The following SRP72 variants were observed in gnomAD, a reference collection of about 807,000 sequenced individuals.
SRP72 encodes the protein signal recognition particle 72.
A neutral mutation model predicts 96.3 loss-of-function variants in SRP72; 49 were observed. That is an observed-to-expected ratio of 0.51 (90% CI 0.40 to 0.65). SRP72 has a LOEUF of 0.65. Among genes scored for constraint, SRP72 ranks in the 30% least tolerant of loss-of-function variants. The probability of loss-of-function intolerance (pLI) is 0.00; values close to 1 mark genes in which losing one functional copy is unlikely to be tolerated. For missense variants in SRP72, 736 were observed against 793.3 expected, an observed-to-expected ratio of 0.93 and a Z score of 0.87; for synonymous variants, 267 against 275.2, an observed-to-expected ratio of 0.97 and a Z score of 0.30.
At position 56,478,632 on chromosome 4, in the gene SRP72, A is replaced by G. The variant is rs780642139; in HGVS notation, c.808A>G (p.Ile270Val). The G allele has an allele frequency of 1.9e-6, 3 of 1,613,978 alleles. No individual in the cohort carries two copies. Among genetic ancestry groups the G allele is most frequent in the Non-Finnish European group, 2.5e-6 (3 of 1,179,944 alleles). The change falls in exon 8 of 19, where the codon ATC (isoleucine) becomes GTC (valine). Residue 270 changes from isoleucine to valine, a missense_variant. This residue lies in a region of SRP72 where 19 missense variants were observed against 42.5 expected (regional missense o/e 0.45). Coordinates refer to ENST00000642900, the MANE Select transcript of SRP72 (RefSeq NM_006947.4). ...VGLLAVIANNIITINKDQNVF... is the reference protein window; with the variant it reads ...VGLLAVIANNVITINKDQNVF... ...ATTACTAGCTGTAATTGCAAATAAC[A>G]TCATTACCATTAACAAGGTATGGAG...
chr4:56,497,525 TCAGTTTTTAA>T (rs761411563), intron 17 of SRP72, among the ~76,000 whole-genome samples: 1 of 152,128 alleles, frequency 6.6e-6, no homozygotes, highest in Non-Finnish European at 1.5e-5. Flanking sequence ...GGCCTGCACT[TCAGTTTTTAA>T]CCAATTGAAT....
chr4:56,490,631 A>G lies in SRP72; in HGVS notation c.1488A>G (p.Pro496=). 6.2e-7 allele frequency: 1 copy of G among 1,613,890 alleles called. No homozygotes were observed. The highest frequency in any genetic ancestry group is 8.5e-7 in the Non-Finnish European group (1 of 1,179,848). Residue 496 remains proline (P), a synonymous_variant, in exon 15 of 19, where the codon CCA becomes CCG. Transcript: ENST00000642900. The part of the protein sequence containing the change: ...QLISAYSLVD[P]EKAKALSKHL... ...TTTCTGCTTACTCACTTGTAGATCC[A>G]GAGAAAGCCAAAGCGTATCCTTTTG...
chr4:56,487,723 G>A (rs1248782602), intron 11 of SRP72, among the ~76,000 whole-genome samples: 1 of 152,130 alleles, frequency 6.6e-6, no homozygotes, highest in Non-Finnish European at 1.5e-5. Flanking sequence ...TTCTTTGTGA[G>A]CTTAAGCAAG....
chr4:56,480,397 C>G (rs1720436840), intron 8 of SRP72, among the ~76,000 whole-genome samples: 1 of 152,106 alleles, frequency 6.6e-6, no homozygotes, highest in African/African-American at 2.4e-5. Context: ...GTAGCTGGGA[C>G]TACAGTCACG....
intron 3 of SRP72, among the ~76,000 whole-genome samples, chr4:56,472,314 A>G (rs1241474522): frequency 6.6e-6 from 1 of 150,760 alleles, no homozygotes; most frequent in Non-Finnish European, 1.5e-5. Flanking sequence ...AGAAATGTGT[A>G]TCTTACAGCT....
chr4:56,491,769 A>T lies in SRP72; in HGVS notation c.1640+201A>T, dbSNP rs958019170. ...AAAATTAACCTCTGGTATTAATTTA[A>T]TCTATTATTCCAGAAGTTTTTCTTT... On this transcript the variant is annotated intron_variant, in intron 16 of 18. Transcript: ENST00000642900. The T allele has an allele frequency of 2.9e-5, 13 of 450,598 alleles. No individual in the cohort carries two copies. In the South Asian group the frequency reaches 5.9e-4, roughly 20 times the overall value. The allele number at this position is 450,598 out of a possible 1,614,324, so 27.9% of individuals were successfully genotyped here. A position where few individuals can be genotyped will look rare whatever the true frequency, so the allele number is the denominator to read the frequency against.
At chr4:56,476,411 A>G (rs1439061266) in intron 5 of SRP72, 4 of 470,696 alleles carry the variant, frequency 8.5e-6, no homozygotes, top group African/African-American at 2.0e-5. Flanking sequence ...TATTTACTAC[A>G]TTTGTATTTT....
Position 56,491,437 on chromosome 4 carries a change from TA to T in SRP72, c.1512del (p.Lys504AsnfsTer11). On this transcript the variant is annotated frameshift_variant, in exon 16 of 19. Transcript: ENST00000642900. LOFTEE classifies it high-confidence loss of function. ...AACTCCTGTTCTATCACAGTCTTAG[TA>T]AACACTTGCCATCGTCAGATAGTAT... is the stretch of plus-strand genomic sequence containing the variant. ...VDPEKAKALS[K>X]HLPSSDSMSL... The T allele has an allele frequency of 3.7e-6, 6 of 1,613,754 alleles. No individual in the cohort carries two copies. Among genetic ancestry groups the T allele is most frequent in the Non-Finnish European group, 5.1e-6 (6 of 1,179,862 alleles).
At chr4:56,476,750 G>A (rs777149919) in intron 6 of SRP72, 48 bp downstream of exon 6, 8 of 1,574,962 alleles carry the variant, frequency 5.1e-6, no homozygotes, top group Non-Finnish European at 5.2e-6. Context: ...TTCTGACTAT[G>A]ATAGATTACT....
intron 16 of SRP72, among the ~76,000 whole-genome samples, chr4:56,492,171 A>C (rs895538007): frequency 2.0e-5 from 3 of 152,192 alleles, no homozygotes; most frequent in Non-Finnish European, 4.4e-5. Flanking sequence ...TTCCCAACTT[A>C]CTTTTATTTA....
chr4:56,494,229 AT>A (rs1721002605), intron 16 of SRP72, among the ~76,000 whole-genome samples: 1 of 152,136 alleles, frequency 6.6e-6, no homozygotes, highest in East Asian at 1.9e-4. Flanking sequence ...TGCATTTCTT[AT>A]TTGGGGTATC....
At position 56,495,351 on chromosome 4, in the gene SRP72, T is replaced by C; in HGVS notation, c.1641-6T>C. Reference sequence around the variant, plus strand: ...AGATGGTAATGATTTTTTTTTCTCTTTGTAGACAGGGAGATTTGAAAAAGA... The same window carrying C: ...AGATGGTAATGATTTTTTTTTCTCTCTGTAGACAGGGAGATTTGAAAAAGA... On this transcript the variant is annotated splice_polypyrimidine_tract_variant and splice_region_variant and intron_variant, in intron 16 of 18. Transcript: ENST00000642900. 6.7e-7 allele frequency: 1 copy of C among 1,489,888 alleles called. No individual in the cohort carries two copies. The highest frequency in any genetic ancestry group is 9.3e-7 in the Non-Finnish European group (1 of 1,080,812). The allele number at this position is 1,489,888 out of a possible 1,614,324, so 92.3% of individuals were successfully genotyped here.
chr4:56,475,418 G>A (rs905334176), intron 5 of SRP72, among the ~76,000 whole-genome samples: 4 of 146,298 alleles, frequency 2.7e-5, no homozygotes, highest in African/African-American at 5.5e-5. Context: ...ATATGTGGCC[G>A]AGTGTGGTGG....
chr4:56,494,799 C>T (rs1196185615), intron 16 of SRP72, among the ~76,000 whole-genome samples: 1 of 151,854 alleles, frequency 6.6e-6, no homozygotes, highest in Non-Finnish European at 1.5e-5. Flanking sequence ...ATTTTACTTA[C>T]ATAAAAAAAT....
chr4:56,492,943 T>C (rs1193175340), intron 16 of SRP72, among the ~76,000 whole-genome samples: 5 of 152,164 alleles, frequency 3.3e-5, no homozygotes, highest in Admixed American at 6.5e-5. Context: ...AGTGATTGCA[T>C]CACTGCACCC....
chr4:56,484,984 C>A, intron 10 of SRP72, 120 bp downstream of exon 10: 1 of 1,202,366 alleles, frequency 8.3e-7, no homozygotes, highest in South Asian at 1.9e-5. Flanking sequence ...TGTACCACTA[C>A]ACAAATTTCA....
intron 10 of SRP72, among the ~76,000 whole-genome samples, chr4:56,485,400 C>CAAA (rs59208269): frequency 4.3e-5 from 4 of 92,398 alleles, no homozygotes; most frequent in Admixed American, 1.0e-4. Flanking sequence ...CTCCCCACAG[C>CAAA]AAAAAAAAAA....
Position 56,467,653 on chromosome 4 carries a change from C to T in SRP72, c.18C>T (p.Ser6=), listed in dbSNP as rs777589749. MASGG[S]GGVSVPALWS... Reference sequence around the variant, plus strand: ...CCTCCAAGATGGCGAGCGGCGGCAGCGGGGGGGTGTCAGTACCTGCGCTGT... The same window carrying T: ...CCTCCAAGATGGCGAGCGGCGGCAGTGGGGGGGTGTCAGTACCTGCGCTGT... The change falls in exon 1 of 19, where the codon AGC becomes AGT. Residue 6 remains serine (S), a synonymous_variant. Transcript: ENST00000642900. 3.9e-6 allele frequency: 6 copies of T among 1,550,760 alleles called. No individual in the cohort carries two copies. Among genetic ancestry groups the T allele is most frequent in the Admixed American group, 4.0e-5 (2 of 50,454 alleles).
chr4:56,489,961 A>G (rs1720851692), intron 13 of SRP72, among the ~76,000 whole-genome samples: 1 of 152,202 alleles, frequency 6.6e-6, no homozygotes. Flanking sequence ...TGGCATTTAT[A>G]CTGTTAGTAC....
Sources: gnomAD v4.1 joint callset for allele counts (sites outside exome capture counted in the v4.1 genomes callset) on GRCh38, gnomAD v4.1.1 for gene constraint, gnomAD v4.1.1 regional missense constraint, MANE v1.5 for transcripts, NCBI Gene and HGNC (gene_info 2026-07-23, HGNC 2026-07-21) for gene names.